CD109: variants seen among roughly 807,000 people sequenced by gnomAD.
The protein encoded by CD109 is CD109 molecule.
In CD109, 149 loss-of-function variants were observed where a neutral mutation model predicts 165.8. The observed-to-expected ratio is 0.90, with a 90% CI of 0.79 to 1.03. The LOEUF (loss-of-function observed/expected upper bound fraction) is 1.03, where lower values mean the gene tolerates loss of function less well. Ranked by LOEUF, CD109 falls within the 50% of genes least tolerant of loss-of-function variation. The pLI is 0.00. For synonymous variants in CD109, 585 were observed against 592.1 expected (o/e 0.99, Z 0.18); for missense variants, 1,712 against 1,677.8 (o/e 1.02, Z -0.36).
intron 3 of CD109, among the ~76,000 whole-genome samples, chr6:73,726,289 C>A (rs541387586): frequency 6.6e-6 from 1 of 151,968 alleles, no homozygotes; most frequent in Admixed American, 6.5e-5. Flanking sequence ...CTAAAATAAC[C>A]CCCAATATGA....
At chr6:73,784,191 G>A (rs1774608822) in intron 19 of CD109, among the ~76,000 whole-genome samples, 1 of 152,168 alleles carries the variant, frequency 6.6e-6, no homozygotes, top group East Asian at 1.9e-4. Flanking sequence ...TTCTCAAGAT[G>A]TTCCCTAGCC....
chr6:73,739,526 A>G (rs1053144307), intron 5 of CD109, among the ~76,000 whole-genome samples: 1 of 152,188 alleles, frequency 6.6e-6, no homozygotes, highest in African/African-American at 2.4e-5. Context: ...TTCTCAATAT[A>G]AAACTCAGGG....
chr6:73,766,924 A>C (rs546474785), intron 12 of CD109, 24 bp from the exon 13 acceptor site: 3 of 1,612,254 alleles, frequency 1.9e-6, no homozygotes, highest in Non-Finnish European at 2.5e-6. Flanking sequence ...TGATATGTAC[A>C]TATTAATTAA....
At position 73,722,677 on chromosome 6, in the gene CD109, T is replaced by C. The variant is rs140292287; in HGVS notation, c.248-574T>C. On this transcript the variant is annotated intron_variant, in intron 2 of 32. Transcript: ENST00000287097. ...GGAACTTTGGACAAGTTCTCTTTTA[T>C]TTTTAACATGAAACCATTTTTCCCC... 2.3e-3 allele frequency among the ~76,000 whole-genome samples: 348 copies of C among 152,352 alleles called. 4 individuals carry two copies. Among genetic ancestry groups the C allele is most frequent in the East Asian group, 0.013 (69 of 5,190 alleles).
chr6:73,691,965 A>C (rs919810714), upstream of CD109, among the ~76,000 whole-genome samples: 1 of 152,320 alleles, frequency 6.6e-6, no homozygotes, highest in South Asian at 2.1e-4. Context: ...CTCAACTTTA[A>C]CATTGCCAAA....
chr6:73,813,623 T>C (rs1054508041), intron 29 of CD109, among the ~76,000 whole-genome samples: 2 of 152,126 alleles, frequency 1.3e-5, no homozygotes, highest in South Asian at 4.1e-4. Flanking sequence ...TTATAAGTGC[T>C]CTGGAACAAG....
chr6:73,798,534 C>T (rs1272477582), intron 23 of CD109, among the ~76,000 whole-genome samples: 1 of 152,020 alleles, frequency 6.6e-6, no homozygotes, highest in African/African-American at 2.4e-5. Flanking sequence ...ACAGGACACT[C>T]CCACAAGGAG....
the CD109 span, among the ~76,000 whole-genome samples, chr6:73,679,563 C>G: frequency 6.6e-6 from 1 of 150,686 alleles, no homozygotes; most frequent in Non-Finnish European, 1.5e-5. Context: ...ATAGAGAAAA[C>G]AAATGAGAAA....
chr6:73,808,698 G>A (rs1775655945), intron 26 of CD109, among the ~76,000 whole-genome samples: 1 of 152,060 alleles, frequency 6.6e-6, no homozygotes. Context: ...CATAGCAAAT[G>A]CTCAAAAATA....
chr6:73,816,117 C>T (rs1582206949), intron 30 of CD109, among the ~76,000 whole-genome samples: 2 of 152,266 alleles, frequency 1.3e-5, no homozygotes, highest in Middle Eastern at 6.8e-3. Context: ...TACTGTCTGT[C>T]TTTATCTTTG....
intron 23 of CD109, among the ~76,000 whole-genome samples, chr6:73,795,355 C>T (rs1775116894): frequency 6.6e-6 from 1 of 151,862 alleles, no homozygotes; most frequent in African/African-American, 2.4e-5. Flanking sequence ...AGTGAAAACT[C>T]ATTCCTTAAA....
At chr6:73,756,717 AC>A (rs746057493) in intron 6 of CD109, 35 bp downstream of exon 6, 5 of 1,408,712 alleles carry the variant, frequency 3.5e-6, no homozygotes, top group Middle Eastern at 1.8e-4. Context: ...GAAGAAAAAA[AC>A]ATTTGTTACT....
chr6:73,707,495 C>T (rs1396145997), intron 2 of CD109, among the ~76,000 whole-genome samples: 1 of 152,150 alleles, frequency 6.6e-6, no homozygotes, highest in African/African-American at 2.4e-5. Context: ...CTGTCCTGCA[C>T]TGTTTGGGAG....
At chr6:73,700,986 A>G (rs185100444) in intron 2 of CD109, among the ~76,000 whole-genome samples, 109 of 151,490 alleles carry the variant, frequency 7.2e-4, no homozygotes, top group African/African-American at 2.3e-3. Flanking sequence ...TATTTTTAGT[A>G]GAGACGAGGT....
intron 2 of CD109, among the ~76,000 whole-genome samples, chr6:73,720,162 A>T (rs968237415): frequency 6.6e-6 from 1 of 152,028 alleles, no homozygotes; most frequent in Non-Finnish European, 1.5e-5. Context: ...CTATTCAGCC[A>T]TTTTTTTTAA....
intron 23 of CD109, among the ~76,000 whole-genome samples, chr6:73,798,049 G>T (rs1775230751): frequency 6.6e-6 from 1 of 151,784 alleles, no homozygotes; most frequent in Non-Finnish European, 1.5e-5. Flanking sequence ...TTAGATGACT[G>T]CACTGGAAGG....
chr6:73,801,297 G>T (rs972230905), intron 23 of CD109, among the ~76,000 whole-genome samples: 1 of 152,236 alleles, frequency 6.6e-6, no homozygotes, highest in Non-Finnish European at 1.5e-5. Context: ...TAGCATCTAT[G>T]TCAGAGGGTC....
At chr6:73,738,439 C>T (rs1237049399) in intron 5 of CD109, among the ~76,000 whole-genome samples, 2 of 152,148 alleles carry the variant, frequency 1.3e-5, no homozygotes, top group Admixed American at 6.5e-5. Context: ...TGCACAATGA[C>T]CAGCAAGAGC....
intron 5 of CD109, among the ~76,000 whole-genome samples, chr6:73,739,757 A>C (rs1415154760): frequency 6.6e-6 from 1 of 152,114 alleles, no homozygotes; most frequent in East Asian, 1.9e-4. Context: ...CTGAGGCAGG[A>C]GAATGGCGTG....
Sources: allele counts gnomAD v4.1 joint callset (sites outside exome capture counted in the v4.1 genomes callset), GRCh38; gene constraint gnomAD v4.1.1; transcripts MANE v1.5; gene names NCBI Gene and HGNC (gene_info 2026-07-23, HGNC 2026-07-21).